The following IQCM variants were observed in gnomAD, a reference collection of about 807,000 sequenced individuals.
The protein encoded by IQCM is IQ motif containing M, also known as IQ domain-containing protein M.
A neutral mutation model predicts 57.6 loss-of-function variants in IQCM; 45 were observed. The observed-to-expected ratio is 0.78, with a 90% CI of 0.62 to 1.00. IQCM has a LOEUF of 1.00. Among genes scored for constraint, IQCM ranks in the 50% least tolerant of loss-of-function variants. IQCM has a pLI of 0.00. For missense variants in IQCM, 468 were observed against 511.6 expected (o/e 0.91, Z 0.82); for synonymous variants, 148 against 158.9 (o/e 0.93, Z 0.51).
chr4:149,723,092 ATTG>A (rs962984062), intron 5 of IQCM, among the ~76,000 whole-genome samples: 9 of 151,978 alleles, frequency 5.9e-5, no homozygotes, highest in Non-Finnish European at 4.4e-5. Flanking sequence ...CAGGTTGGTC[ATTG>A]TTGGTGTATA....
chr4:149,474,044 C>T (rs1295429610), intron 12 of IQCM, among the ~76,000 whole-genome samples: 2 of 151,760 alleles, frequency 1.3e-5, no homozygotes, highest in East Asian at 1.9e-4. Flanking sequence ...TTAACGGGTG[C>T]AGCACACCAA....
At chr4:149,647,304 T>G (rs188275493) in intron 7 of IQCM, among the ~76,000 whole-genome samples, 6 of 152,092 alleles carry the variant, frequency 3.9e-5, no homozygotes. Context: ...AGGAAAATTT[T>G]ATTTTCCCTT....
chr4:149,634,259 T>C lies in IQCM; in HGVS notation c.566-13015A>G, dbSNP rs541781302. Among the ~76,000 whole-genome samples, 95 of 152,158 alleles carry C rather than the reference T, an allele frequency of 6.2e-4. 1 individual carries two copies. The highest frequency in any genetic ancestry group is 3.9e-3 in the Admixed American group (59 of 15,270). On this transcript the variant is annotated intron_variant, in intron 7 of 13. Coordinates refer to ENST00000636793, the MANE Select transcript of IQCM (RefSeq NM_001363507.2). ...CCCAAACTCAAGTGATCTGCCCACC[T>C]CGGCCTCCCAAAGTGAGCTTTTTCT...
chr4:149,815,784 T>C lies in IQCM; in HGVS notation c.-271A>G, dbSNP rs796633330. On this transcript the variant is annotated 5_prime_UTR_variant, in exon 1 of 14. Coordinates refer to ENST00000636793, the MANE Select transcript of IQCM (RefSeq NM_001363507.2). ...CAAAATAGGTAATGAATATTTCAAATAGATTCCTAAATCCTGCCAATCTTC... is the reference window on the plus strand; with the variant it reads ...CAAAATAGGTAATGAATATTTCAAACAGATTCCTAAATCCTGCCAATCTTC... 3 of 152,122 alleles carry C rather than the reference T, an allele frequency of 2.0e-5. No homozygotes were observed. Among genetic ancestry groups the C allele is most frequent in the African/African-American group, 4.8e-5 (2 of 41,546 alleles). The allele number at this position is 152,122 out of a possible 1,614,324, so 9.4% of individuals were successfully genotyped here.
In IQCM at chr4:149,661,599, A is replaced by G. The variant is rs369356790; in HGVS notation, c.565+20519T>C. Among the ~76,000 whole-genome samples the G allele has an allele frequency of 6.6e-5, 10 of 152,136 alleles. No individual in the cohort carries two copies. In the East Asian group the frequency reaches 1.5e-3, roughly 24 times the overall value. Reference sequence around the variant, plus strand: ...CAGGTCCTGAGCTTTTCTTTGATGGAAGATTTTTTGTTACTGATTCAATTT... The same window carrying G: ...CAGGTCCTGAGCTTTTCTTTGATGGGAGATTTTTTGTTACTGATTCAATTT... On this transcript the variant is annotated intron_variant, in intron 7 of 13. Transcript: ENST00000636793.
At chr4:149,650,188 C>T (rs1202389764) in intron 7 of IQCM, among the ~76,000 whole-genome samples, 3 of 46,298 alleles carry the variant, frequency 6.5e-5, no homozygotes, top group Admixed American at 4.8e-4. Flanking sequence ...CATATTGGTG[C>T]CAATACGTTT....
At chr4:149,719,747 C>T (rs1441125555) in intron 5 of IQCM, among the ~76,000 whole-genome samples, 3 of 152,150 alleles carry the variant, frequency 2.0e-5, no homozygotes, top group Non-Finnish European at 4.4e-5. Flanking sequence ...TCACTCAACC[C>T]ATCACTGTGG....
chr4:149,526,287 G>A (rs1415220059), intron 12 of IQCM, among the ~76,000 whole-genome samples: 1 of 151,872 alleles, frequency 6.6e-6, no homozygotes, highest in Non-Finnish European at 1.5e-5. Flanking sequence ...GAATAGAATG[G>A]GGTATATTTA....
chr4:149,667,147 G>T (rs572290151), intron 7 of IQCM, among the ~76,000 whole-genome samples: 4 of 152,154 alleles, frequency 2.6e-5, no homozygotes, highest in Non-Finnish European at 5.9e-5. Flanking sequence ...ACACCTCCCA[G>T]TAGGGGTCAA....
intron 7 of IQCM, among the ~76,000 whole-genome samples, chr4:149,634,472 T>C (rs1418541427): frequency 6.6e-6 from 1 of 152,214 alleles, no homozygotes; most frequent in Non-Finnish European, 1.5e-5. Flanking sequence ...GACTGTAAAT[T>C]CCTTATAAGG....
At chr4:149,478,860 A>C (rs1478427493) in intron 12 of IQCM, among the ~76,000 whole-genome samples, 1 of 152,172 alleles carries the variant, frequency 6.6e-6, no homozygotes, top group African/African-American at 2.4e-5. Flanking sequence ...GATTTCATTC[A>C]TATGTATAGG....
At chr4:149,356,893 C>T (rs1392498006) in intron 13 of IQCM, among the ~76,000 whole-genome samples, 2 of 152,138 alleles carry the variant, frequency 1.3e-5, no homozygotes, top group African/African-American at 4.8e-5. Context: ...AATGTTCTTC[C>T]ATTTCTTTGT....
At position 149,406,423 on chromosome 4, in the gene IQCM, C is replaced by A. The variant is rs528265734; in HGVS notation, c.1390+26973G>T. Among the ~76,000 whole-genome samples, 45 of 152,148 alleles carry A rather than the reference C, an allele frequency of 3.0e-4. No homozygotes were observed. The Middle Eastern group carries it at 0.014, about 46-fold the overall frequency. ...TAAACCAGTAAGGAAGAAGGAAGAGCATTCAACATAGAGCGGACATCACAT... is the reference window on the plus strand; with the variant it reads ...TAAACCAGTAAGGAAGAAGGAAGAGAATTCAACATAGAGCGGACATCACAT... On this transcript the variant is annotated intron_variant, in intron 13 of 13. Coordinates refer to ENST00000636793, the MANE Select transcript of IQCM (RefSeq NM_001363507.2).
At position 149,506,988 on chromosome 4, in the gene IQCM, G is replaced by T. The variant is rs549720285; in HGVS notation, c.1228+41467C>A. On this transcript the variant is annotated intron_variant, in intron 12 of 13. Coordinates refer to ENST00000636793, the MANE Select transcript of IQCM (RefSeq NM_001363507.2). ...TTGAATTCCCACATGTAGTGGAAGG[G>T]ACCTGGGGGCAGGTCTTTCCTATGC... Among the ~76,000 whole-genome samples the T allele has an allele frequency of 4.9e-4, 74 of 152,264 alleles. 1 individual carries two copies. The South Asian group carries it at 0.015, about 32-fold the overall frequency.
chr4:149,651,461 C>A (rs950179897), intron 7 of IQCM, among the ~76,000 whole-genome samples: 2 of 152,114 alleles, frequency 1.3e-5, no homozygotes, highest in Admixed American at 6.6e-5. Flanking sequence ...TGCACATACA[C>A]AAATTTGTGT....
At chr4:149,443,688 G>T (rs893137399) in intron 12 of IQCM, among the ~76,000 whole-genome samples, 9 of 109,494 alleles carry the variant, frequency 8.2e-5, no homozygotes, top group Non-Finnish European at 1.7e-4. Flanking sequence ...GGAAAGGAAA[G>T]GAAAGGAAAG....
chr4:149,355,540 A>G (rs1401162424), intron 13 of IQCM, among the ~76,000 whole-genome samples: 1 of 152,072 alleles, frequency 6.6e-6, no homozygotes, highest in Non-Finnish European at 1.5e-5. Flanking sequence ...GATGGTTTCC[A>G]GCTTCATCCA....
At chr4:149,518,490 C>A (rs1012577225) in intron 12 of IQCM, among the ~76,000 whole-genome samples, 2 of 152,114 alleles carry the variant, frequency 1.3e-5, no homozygotes, top group Admixed American at 6.5e-5. Context: ...CTGAAAAGAG[C>A]AGTAAATTCT....
intron 8 of IQCM, among the ~76,000 whole-genome samples, chr4:149,602,035 C>CAAAAAAAAAAA (rs1236897737): frequency 8.5e-5 from 3 of 35,398 alleles, no homozygotes; most frequent in Non-Finnish European, 1.9e-4. Context: ...GCCTGGGCGA[C>CAAAAAAAAAAA]AAAAAAAAAA....
Sources: gnomAD v4.1 joint callset for allele counts (sites outside exome capture counted in the v4.1 genomes callset) on GRCh38, gnomAD v4.1.1 for gene constraint, MANE v1.5 for transcripts, NCBI Gene and HGNC (gene_info 2026-07-23, HGNC 2026-07-21) for gene names.